The following MCC variants were observed in gnomAD, a reference collection of about 807,000 sequenced individuals.
MCC encodes the protein colorectal mutant cancer protein.
A neutral mutation model predicts 116.2 loss-of-function variants in MCC; 90 were observed. The observed-to-expected ratio is 0.77, with a 90% CI of 0.65 to 0.92. The LOEUF (loss-of-function observed/expected upper bound fraction) is 0.92, where lower values mean the gene tolerates loss of function less well. Among genes scored for constraint, MCC ranks in the 40% least tolerant of loss-of-function variants. The pLI, the probability that MCC is intolerant of heterozygous loss-of-function variation, is 0.00. For missense variants in MCC, 1,516 were observed against 1,312.2 expected (o/e 1.16, Z -2.40); for synonymous variants, 578 against 510.5 (o/e 1.13, Z -1.78).
chr5:113,485,974 G>C (rs1172988595), intron 1 of MCC, among the ~76,000 whole-genome samples: 1 of 152,182 alleles, frequency 6.6e-6, no homozygotes, highest in East Asian at 1.9e-4. Flanking sequence ...GGTAAGTACA[G>C]GTCATTAAAT....
intron 6 of MCC, among the ~76,000 whole-genome samples, chr5:113,105,270 TTTC>T (rs1188553261): frequency 2.0e-5 from 3 of 152,188 alleles, no homozygotes; most frequent in Non-Finnish European, 4.4e-5. Context: ...TGTCTTCCAT[TTTC>T]TTCTTCTCTC....
chr5:113,048,856 C>A, intron 16 of MCC: 1 of 586,236 alleles, frequency 1.7e-6, no homozygotes, highest in South Asian at 2.1e-5. Flanking sequence ...TCTGATGTGA[C>A]TGTGATATGT....
intron 13 of MCC, among the ~76,000 whole-genome samples, chr5:113,066,236 G>A (rs1306185338): frequency 6.6e-6 from 1 of 152,178 alleles, no homozygotes; most frequent in Non-Finnish European, 1.5e-5. Context: ...GGTACCTTGT[G>A]AGGCCTGAAC....
At chr5:113,198,995 C>G (rs1040911485) in intron 3 of MCC, among the ~76,000 whole-genome samples, 5 of 151,774 alleles carry the variant, frequency 3.3e-5, no homozygotes, top group African/African-American at 1.2e-4. Context: ...GGGTAAAACC[C>G]CATGTCTACT....
intron 4 of MCC, among the ~76,000 whole-genome samples, chr5:113,143,567 C>A (rs535886064): frequency 2.0e-5 from 3 of 152,316 alleles, no homozygotes; most frequent in Non-Finnish European, 2.9e-5. Context: ...GGAGTCTTTG[C>A]CTTTCTAGCA....
chr5:113,274,241 C>A (rs1765728259), intron 3 of MCC, among the ~76,000 whole-genome samples: 1 of 152,234 alleles, frequency 6.6e-6, no homozygotes, highest in South Asian at 2.1e-4. Flanking sequence ...TTAGAAACTT[C>A]TTGGTCCCTT....
intron 1 of MCC, among the ~76,000 whole-genome samples, chr5:113,479,422 T>C (rs1349053626): frequency 1.3e-5 from 2 of 152,180 alleles, no homozygotes; most frequent in Non-Finnish European, 2.9e-5. Context: ...TCAAAACTCA[T>C]TGAAATATAC....
At chr5:113,175,481 G>C (rs1324333761) in intron 3 of MCC, among the ~76,000 whole-genome samples, 1 of 152,178 alleles carries the variant, frequency 6.6e-6, no homozygotes, top group Admixed American at 6.5e-5. Context: ...TATTCACAGA[G>C]TGGCACATTT....
chr5:113,206,634 G>C (rs942465726), intron 3 of MCC, among the ~76,000 whole-genome samples: 2 of 152,124 alleles, frequency 1.3e-5, no homozygotes, highest in African/African-American at 4.8e-5. Context: ...CCTTGAACCT[G>C]GGAGGCAGAG....
At chr5:113,416,769 T>A (rs1346658594) in intron 1 of MCC, among the ~76,000 whole-genome samples, 1 of 152,146 alleles carries the variant, frequency 6.6e-6, no homozygotes, top group Non-Finnish European at 1.5e-5. Context: ...ACCACATACA[T>A]ATATTACTTC....
Position 113,023,263 on chromosome 5 carries a change from A to AC in MCC, c.*4038dup. 1 of 152,356 alleles carries AC rather than the reference A, an allele frequency of 6.6e-6. No individual in the cohort carries two copies. Among genetic ancestry groups the AC allele is most frequent in the African/African-American group, 2.4e-5 (1 of 41,588 alleles). The allele number at this position is 152,356 out of a possible 1,614,324, so 9.4% of individuals were successfully genotyped here. On this transcript the variant is annotated 3_prime_UTR_variant, in exon 19 of 19. Transcript: ENST00000408903. ...TGTAGGATGTGGATAAACTTTAAGA[A>AC]CTGGATAGTGAAGGCGTAACTTTTG...
intron 3 of MCC, among the ~76,000 whole-genome samples, chr5:113,167,477 T>C (rs1041530231): frequency 6.6e-6 from 1 of 152,182 alleles, no homozygotes; most frequent in Non-Finnish European, 1.5e-5. Flanking sequence ...AACAGCTTCC[T>C]CATCCCCAAA....
intron 3 of MCC, among the ~76,000 whole-genome samples, chr5:113,332,235 C>T (rs892867759): frequency 6.7e-6 from 1 of 150,018 alleles, no homozygotes; most frequent in Non-Finnish European, 1.5e-5. Flanking sequence ...GGCTAGGGTG[C>T]AGGCATGATC....
rs574053598 is a variant in MCC at position 113,314,419 on chromosome 5, T to C, written c.627+26100A>G. 3.3e-5 allele frequency among the ~76,000 whole-genome samples: 5 copies of C among 152,330 alleles called. No individual in the cohort carries two copies. In the East Asian group the frequency reaches 5.8e-4, roughly 18 times the overall value. ...AGTTGTTCAAAATTAGAAAAGGGCA[T>C]GTAAATGCTGTTAGTGTCAGCAGCT... On this transcript the variant is annotated intron_variant, in intron 3 of 18. Transcript: ENST00000408903.
At position 113,235,615 on chromosome 5, in the gene MCC, C is replaced by T. The variant is rs13354891; in HGVS notation, c.628-84193G>A. Among the ~76,000 whole-genome samples the T allele has an allele frequency of 5.8e-3, 882 of 152,326 alleles. 11 individuals carry two copies. The highest frequency in any genetic ancestry group is 0.019 in the African/African-American group (809 of 41,566). On this transcript the variant is annotated intron_variant, in intron 3 of 18. Transcript: ENST00000408903. ...TGCCATTTGAGGGCACAGTGCTTCG[C>T]AACTCTCTCCTGGCCCATGTCCCTT...
intron 12 of MCC, among the ~76,000 whole-genome samples, chr5:113,068,447 C>T (rs907187532): frequency 6.6e-6 from 1 of 152,212 alleles, no homozygotes; most frequent in African/African-American, 2.4e-5. Context: ...GTCGTCCCTT[C>T]AGTGACCACC....
chr5:113,314,613 A>G (rs1767231835), intron 3 of MCC, among the ~76,000 whole-genome samples: 1 of 151,882 alleles, frequency 6.6e-6, no homozygotes, highest in Non-Finnish European at 1.5e-5. Context: ...TCTGAGATGG[A>G]GTCTTGTTCT....
intron 5 of MCC, among the ~76,000 whole-genome samples, chr5:113,133,456 T>G (rs1758592358): frequency 6.6e-6 from 1 of 151,866 alleles, no homozygotes. Context: ...CATGTTGCTG[T>G]GACAGGATTT....
chr5:113,049,034 T>C lies in MCC; in HGVS notation c.2655+59A>G, dbSNP rs774952980. 5.7e-6 allele frequency: 5 copies of C among 878,204 alleles called. No homozygotes were observed. In the Admixed American group the frequency reaches 1.6e-4, roughly 27 times the overall value. 54.4% of individuals were successfully genotyped at this position (878,204 alleles called of 1,614,324 possible). ...GCGGTGAGGTGTGGCCAGTGGTCAC[T>C]GGGCAGTCACTGGGCAGTCACTGAG... On this transcript the variant is annotated intron_variant, in intron 16 of 18. Coordinates refer to ENST00000408903, the MANE Select transcript of MCC (RefSeq NM_001085377.2).
Sources: gnomAD v4.1 joint callset for allele counts (sites outside exome capture counted in the v4.1 genomes callset) on GRCh38, gnomAD v4.1.1 for gene constraint, MANE v1.5 for transcripts, NCBI Gene and HGNC (gene_info 2026-07-23, HGNC 2026-07-21) for gene names.